Variants in COL13A1 observed in about 807,000 individuals in gnomAD.
The protein encoded by COL13A1 is collagen alpha-1(XIII) chain.
Under a neutral mutation model 130.9 loss-of-function variants are expected in COL13A1, and 89 were observed. The ratio of observed to expected loss-of-function variants is 0.68; its 90% CI spans 0.57 to 0.81. The LOEUF is 0.81. Among genes scored for constraint, COL13A1 ranks in the 30% least tolerant of loss-of-function variants. The pLI is 0.00. For missense variants in COL13A1, 879 were observed against 934.6 expected (o/e 0.94, Z 0.78); for synonymous variants, 402 against 341.6 (o/e 1.18, Z -1.95).
At chr10:69,936,100 GGGAGGAAGGAAGGAAGGAAGGAAGGAAA>G (rs1392201930) in intron 32 of COL13A1, among the ~76,000 whole-genome samples, 1,279 of 85,346 alleles carry the variant, frequency 0.015, 30 homozygotes, top group Middle Eastern at 0.056. Context: ...AAGGAGGGAA[GGGAGGAAGGAAGGAAGGAAGGAAGGAAA>G]GAAGGAAGGA....
Position 69,958,820 on chromosome 10 carries a change from A to G in COL13A1, c.*119A>G, listed in dbSNP as rs1217520026. On this transcript the variant is annotated 3_prime_UTR_variant, in exon 41 of 41. Transcript: ENST00000645393. ...TGCATCTTACAGATTATTAAAAAAGAAAGAAAAACCTGCATATTTTGTACA... is the reference window on the plus strand; with the variant it reads ...TGCATCTTACAGATTATTAAAAAAGGAAGAAAAACCTGCATATTTTGTACA... 7.1e-7 allele frequency: 1 copy of G among 1,399,878 alleles called. No homozygotes were observed. Among genetic ancestry groups the G allele is most frequent in the African/African-American group, 1.5e-5 (1 of 68,848 alleles). 86.7% of individuals were successfully genotyped at this position (1,399,878 alleles called of 1,614,324 possible).
chr10:69,909,610 CACTGGGA>C (rs2063151879), intron 17 of COL13A1, among the ~76,000 whole-genome samples: 1 of 152,204 alleles, frequency 6.6e-6, no homozygotes, highest in Non-Finnish European at 1.5e-5. Flanking sequence ...AGAGGGCTGG[CACTGGGA>C]ACTATGACCA....
chr10:69,921,861 A>G, intron 21 of COL13A1, 21 bp from the exon 22 acceptor site: 2 of 1,598,734 alleles, frequency 1.3e-6, no homozygotes, highest in South Asian at 1.1e-5. Flanking sequence ...TAACCCCCAC[A>G]CTGTCTGCAT....
At chr10:69,868,987 C>T (rs2134008980) in intron 3 of COL13A1, among the ~76,000 whole-genome samples, 1 of 152,350 alleles carries the variant, frequency 6.6e-6, no homozygotes, top group African/African-American at 2.4e-5. Context: ...GAGCCCTCAA[C>T]TGCCCCCACC....
At chr10:69,846,220 G>A (rs939214590) in intron 2 of COL13A1, among the ~76,000 whole-genome samples, 14 of 152,360 alleles carry the variant, frequency 9.2e-5, no homozygotes, top group Admixed American at 3.3e-4. Context: ...CGGTAACAAG[G>A]GGCTGGGGGT....
chr10:69,887,590 TC>T, intron 8 of COL13A1, 99 bp downstream of exon 8: 1 of 1,298,940 alleles, frequency 7.7e-7, no homozygotes, highest in African/African-American at 1.5e-5. Flanking sequence ...ACTCTTTCTC[TC>T]CCAAACCCTG....
At chr10:69,822,129 T>C (rs572706093) in intron 1 of COL13A1, among the ~76,000 whole-genome samples, 31 of 152,280 alleles carry the variant, frequency 2.0e-4, no homozygotes, top group Non-Finnish European at 3.8e-4. Context: ...TGGGGTTAAT[T>C]TCTTTAAGAG....
chr10:69,819,200 C>T lies in COL13A1; in HGVS notation c.295-3169C>T, dbSNP rs117226400. Among the ~76,000 whole-genome samples, 1,405 of 152,316 alleles carry T rather than the reference C, an allele frequency of 9.2e-3. 15 individuals are homozygous for T. Among genetic ancestry groups the T allele is most frequent in the Non-Finnish European group, 0.015 (1,013 of 68,022 alleles). On this transcript the variant is annotated intron_variant, in intron 1 of 40. Transcript: ENST00000645393. ...ACTTGTTCAAGGCAATTCCCTTTCC[C>T]TTTCTGGGACTTAGTTTCCTGGATT...
chr10:69,922,698 C>A lies in COL13A1; in HGVS notation c.1144-10C>A. The A allele has an allele frequency of 6.3e-7, 1 of 1,597,732 alleles. No homozygotes were observed. The highest frequency in any genetic ancestry group is 8.5e-7 in the Non-Finnish European group (1 of 1,172,338). ...ACACCAGGGATGCTAACTCCACCTT[C>A]CACCCCCAGGGAGAGAAAGGCGATG... On this transcript the variant is annotated splice_polypyrimidine_tract_variant and intron_variant, in intron 22 of 40. Coordinates refer to ENST00000645393, the MANE Select transcript of COL13A1 (RefSeq NM_001368882.1).
chr10:69,861,320 G>T lies in COL13A1; in HGVS notation c.365-6478G>T, dbSNP rs375756196. ...AGGTTGCTGTCAGGTGGCTCCAGGG[G>T]TGGCAGTGGCATAGCTAGTAGTATG... On this transcript the variant is annotated intron_variant, in intron 2 of 40. Transcript: ENST00000645393. Among the ~76,000 whole-genome samples the T allele has an allele frequency of 3.9e-4, 59 of 152,300 alleles. 1 individual carries two copies. The highest frequency in any genetic ancestry group is 3.1e-3 in the East Asian group (16 of 5,180).
chr10:69,871,809 T>G (rs1162440943), intron 3 of COL13A1, among the ~76,000 whole-genome samples: 1 of 152,230 alleles, frequency 6.6e-6, no homozygotes, highest in Non-Finnish European at 1.5e-5. Context: ...TATTTAGGAT[T>G]TGCTATATGC....
chr10:69,811,030 T>G (rs1842908852), intron 1 of COL13A1, among the ~76,000 whole-genome samples: 1 of 152,234 alleles, frequency 6.6e-6, no homozygotes, highest in Non-Finnish European at 1.5e-5. Context: ...TGGCGGCTAT[T>G]GTAGGTTTTC....
At chr10:69,925,679 G>A in intron 25 of COL13A1, 125 bp from the exon 26 acceptor site, 1 of 671,084 alleles carries the variant, frequency 1.5e-6, no homozygotes, top group South Asian at 1.8e-5. Context: ...GGGCCCCGCT[G>A]GCTGTTCTGG....
At chr10:69,936,034 A>C (rs1406933437) in intron 32 of COL13A1, among the ~76,000 whole-genome samples, 2 of 133,996 alleles carry the variant, frequency 1.5e-5, no homozygotes, top group African/African-American at 5.4e-5. Context: ...AAAGAGAGAA[A>C]GAGAGGGAGG....
At chr10:69,861,717 A>G (rs947743934) in intron 2 of COL13A1, among the ~76,000 whole-genome samples, 4 of 152,194 alleles carry the variant, frequency 2.6e-5, no homozygotes, top group African/African-American at 9.7e-5. Flanking sequence ...CTGCTGATTG[A>G]TAGTGGCTGT....
rs41277948 is a variant in COL13A1 at position 69,802,180 on chromosome 10, C to A, written c.-244C>A. 0.024 allele frequency: 11,008 copies of A among 465,778 alleles called. 171 individuals carry two copies. Among genetic ancestry groups the A allele is most frequent in the African/African-American group, 0.047 (2,281 of 48,648 alleles). The allele number at this position is 465,778 out of a possible 1,614,324, so 28.9% of individuals were successfully genotyped here. ...TCCCCTAACTTTCCTGGACTTGGAA[C>A]GTTCTTCGAAATAACTTTTTTCTCA... is the stretch of plus-strand genomic sequence containing the variant. On this transcript the variant is annotated 5_prime_UTR_variant, in exon 1 of 41. Coordinates refer to ENST00000645393, the MANE Select transcript of COL13A1 (RefSeq NM_001368882.1).
intron 35 of COL13A1, 133 bp from the exon 36 acceptor site, chr10:69,943,992 C>T (rs1006344006): frequency 1.4e-6 from 1 of 692,092 alleles, no homozygotes; most frequent in South Asian, 1.7e-5. Flanking sequence ...CGAATGACTG[C>T]CCTGAACGAG....
intron 6 of COL13A1, chr10:69,879,470 T>G (rs2059922229): frequency 6.6e-6 from 1 of 152,250 alleles, no homozygotes; most frequent in Non-Finnish European, 1.5e-5. Context: ...GTAGCAGAGC[T>G]GATCTTCAGA....
chr10:69,865,886 A>G (rs948550811), intron 2 of COL13A1, among the ~76,000 whole-genome samples: 1 of 152,224 alleles, frequency 6.6e-6, no homozygotes, highest in African/African-American at 2.4e-5. Context: ...AGAAGGGTCC[A>G]GAGCTCTACC....
Sources: allele counts gnomAD v4.1 joint callset (sites outside exome capture counted in the v4.1 genomes callset), GRCh38; gene constraint gnomAD v4.1.1; transcripts MANE v1.5; gene names NCBI Gene and HGNC (gene_info 2026-07-23, HGNC 2026-07-21).